EYS: variants seen among roughly 807,000 people sequenced by gnomAD.
The protein encoded by EYS is EGF-like photoreceptor maintenance factor, also known as protein eyes shut homolog.
A neutral mutation model predicts 282.1 loss-of-function variants in EYS; 250 were observed. The ratio of observed to expected loss-of-function variants is 0.89; its 90% CI spans 0.80 to 0.98. The LOEUF is 0.98. Ranked by LOEUF, EYS falls within the 50% of genes least tolerant of loss-of-function variation. EYS has a pLI of 0.00. For missense variants in EYS, 4,016 were observed against 3,709.0 expected (o/e 1.08, Z -2.15); for synonymous variants, 1,355 against 1,282.9 (o/e 1.06, Z -1.20).
At chr6:64,827,033 G>A (rs181685998) in intron 19 of EYS, among the ~76,000 whole-genome samples, 1 of 151,756 alleles carries the variant, frequency 6.6e-6, no homozygotes, top group Admixed American at 6.6e-5. Context: ...ACAATCAACC[G>A]TGGAGTTTTT....
intron 35 of EYS, among the ~76,000 whole-genome samples, chr6:63,925,820 A>G (rs923558931): frequency 2.6e-5 from 4 of 151,804 alleles, no homozygotes; most frequent in Admixed American, 6.6e-5. Flanking sequence ...ATTTTTTTGT[A>G]GTTTTAGTAG....
intron 22 of EYS, among the ~76,000 whole-genome samples, chr6:64,808,684 C>A (rs1764508453): frequency 6.6e-6 from 1 of 151,888 alleles, no homozygotes; most frequent in Non-Finnish European, 1.5e-5. Context: ...TCTGTGCTAA[C>A]TACCACAGCA....
intron 30 of EYS, among the ~76,000 whole-genome samples, chr6:64,295,518 A>AAGAAGAAAG (rs1554140755): frequency 2.8e-5 from 1 of 35,902 alleles, no homozygotes; most frequent in African/African-American, 2.0e-4. Flanking sequence ...AAGAAAGAAG[A>AAGAAGAAAG]AAGAAGAAAG....
intron 41 of EYS, among the ~76,000 whole-genome samples, chr6:63,750,331 T>C (rs1769313227): frequency 6.6e-6 from 1 of 152,160 alleles, no homozygotes; most frequent in Non-Finnish European, 1.5e-5. Flanking sequence ...TGCCTTGTAA[T>C]TTTTTGCTTG....
intron 22 of EYS, among the ~76,000 whole-genome samples, chr6:64,766,647 AAAATATATATATATATATAT>A (rs1232739126): frequency 0.15 from 1,772 of 11,958 alleles, 144 homozygotes; most frequent in African/African-American, 0.32. Context: ...AAAAAAAAAA[AAAATATATATATATATATAT>A]ATATATATAT....
At chr6:64,635,028 A>C (rs1767925749) in intron 22 of EYS, among the ~76,000 whole-genome samples, 1 of 151,884 alleles carries the variant, frequency 6.6e-6, no homozygotes, top group Non-Finnish European at 1.5e-5. Context: ...CTCCTTGAAG[A>C]GGTCCTTCAC....
intron 30 of EYS, among the ~76,000 whole-genome samples, chr6:64,305,592 A>G (rs1037189874): frequency 2.0e-5 from 3 of 152,210 alleles, no homozygotes; most frequent in Non-Finnish European, 4.4e-5. Flanking sequence ...TATGTATATG[A>G]TTTTTGACAA....
intron 5 of EYS, among the ~76,000 whole-genome samples, chr6:65,480,772 C>T (rs528910641): frequency 1.6e-4 from 25 of 152,126 alleles, no homozygotes; most frequent in African/African-American, 5.3e-4. Context: ...GTATACTATT[C>T]GGTCATAAAA....
intron 2 of EYS, among the ~76,000 whole-genome samples, chr6:65,597,565 G>C (rs1765453053): frequency 6.6e-6 from 1 of 152,044 alleles, no homozygotes; most frequent in South Asian, 2.1e-4. Flanking sequence ...TTCAATTGTA[G>C]CCTTGCATCA....
At chr6:64,383,255 T>C (rs1772808371) in intron 29 of EYS, among the ~76,000 whole-genome samples, 1 of 152,166 alleles carries the variant, frequency 6.6e-6, no homozygotes, top group Non-Finnish European at 1.5e-5. Flanking sequence ...GAGCCAAGAT[T>C]GCACCAGTGC....
At chr6:65,356,995 G>A (rs913152870) in intron 8 of EYS, among the ~76,000 whole-genome samples, 1 of 151,974 alleles carries the variant, frequency 6.6e-6, no homozygotes, top group Non-Finnish European at 1.5e-5. Flanking sequence ...TGGTGAGATG[G>A]AAGAGTGGAA....
intron 22 of EYS, among the ~76,000 whole-genome samples, chr6:64,746,724 A>T (rs376566627): frequency 6.6e-6 from 1 of 152,358 alleles, no homozygotes; most frequent in East Asian, 1.9e-4. Context: ...TACAGACTGT[A>T]TATAGGCTGA....
intron 29 of EYS, among the ~76,000 whole-genome samples, chr6:64,373,754 C>T (rs1772468147): frequency 6.6e-6 from 1 of 152,164 alleles, no homozygotes; most frequent in African/African-American, 2.4e-5. Flanking sequence ...AAGTCTATGC[C>T]TGCCAGCTAA....
At chr6:64,913,832 T>C (rs1768079518) in intron 15 of EYS, among the ~76,000 whole-genome samples, 3 of 152,120 alleles carry the variant, frequency 2.0e-5, no homozygotes, top group South Asian at 4.1e-4. Context: ...GAAATCTCCA[T>C]AATGCTTTCT....
At chr6:64,845,534 T>TCTCG (rs1428433419) in intron 19 of EYS, among the ~76,000 whole-genome samples, 4 of 151,256 alleles carry the variant, frequency 2.6e-5, no homozygotes, top group Non-Finnish European at 5.9e-5. Flanking sequence ...AATCTCTCTC[T>TCTCG]CTCTCTCTCT....
Position 64,438,049 on chromosome 6 carries a change from G to A in EYS, c.5835+1113C>T, listed in dbSNP as rs535939436. Among the ~76,000 whole-genome samples, 7 of 151,750 alleles carry A rather than the reference G, an allele frequency of 4.6e-5. No homozygotes were observed. The East Asian group carries it at 1.4e-3, about 29-fold the overall frequency. Reference sequence around the variant, plus strand: ...GATTGGGATGAGTTCCCTAAACCAGGTATTCAGAGCAGGGATATGAGAAAA... The same window carrying A: ...GATTGGGATGAGTTCCCTAAACCAGATATTCAGAGCAGGGATATGAGAAAA... On this transcript the variant is annotated intron_variant, in intron 27 of 42. Coordinates refer to ENST00000503581, the MANE Select transcript of EYS (RefSeq NM_001142800.2).
intron 19 of EYS, among the ~76,000 whole-genome samples, chr6:64,869,160 G>A (rs915996760): frequency 1.3e-5 from 2 of 151,406 alleles, no homozygotes; most frequent in East Asian, 3.9e-4. Context: ...GATACATCAA[G>A]GGAGTGGCTC....
At chr6:64,465,458 A>T (rs182374135) in intron 26 of EYS, among the ~76,000 whole-genome samples, 1 of 152,282 alleles carries the variant, frequency 6.6e-6, no homozygotes, top group Admixed American at 6.5e-5. Flanking sequence ...AAACAAATAT[A>T]TGCATTTAAG....
At chr6:64,361,126 T>C (rs1405917407) in intron 29 of EYS, among the ~76,000 whole-genome samples, 1 of 151,776 alleles carries the variant, frequency 6.6e-6, no homozygotes, top group Non-Finnish European at 1.5e-5. Flanking sequence ...GAACTATATA[T>C]TTTGATTATC....
Sources: allele counts gnomAD v4.1 joint callset (sites outside exome capture counted in the v4.1 genomes callset), GRCh38; gene constraint gnomAD v4.1.1; transcripts MANE v1.5; gene names NCBI Gene and HGNC (gene_info 2026-07-23, HGNC 2026-07-21).